REDIC1: variants seen among roughly 807,000 people sequenced by gnomAD.
REDIC1 encodes regulator of DNA class I crossover intermediates 1, also known as HEI10 Interacting Protein 1.
the REDIC1 span, among the ~76,000 whole-genome samples, chr12:39,815,654 T>C: frequency 2.0e-5 from 3 of 152,116 alleles, no homozygotes; most frequent in Admixed American, 6.5e-5. Flanking sequence ...TTATTGGTTA[T>C]AGAAAAAGCA....
At chr12:39,729,807 G>T in the REDIC1 span, among the ~76,000 whole-genome samples, 1 of 152,126 alleles carries the variant, frequency 6.6e-6, no homozygotes, top group African/African-American at 2.4e-5. Flanking sequence ...TCTCTTTGTA[G>T]ATCTCTAAGA....
the REDIC1 span, among the ~76,000 whole-genome samples, chr12:39,860,651 T>C: frequency 6.6e-6 from 1 of 152,234 alleles, no homozygotes; most frequent in African/African-American, 2.4e-5. Context: ...GTCCACCTTT[T>C]TTCTCATGCA....
the REDIC1 span, among the ~76,000 whole-genome samples, chr12:39,682,026 C>T: frequency 6.6e-6 from 1 of 152,010 alleles, no homozygotes; most frequent in African/African-American, 2.4e-5. Flanking sequence ...TAGAATAGAA[C>T]TTACAAGTTA....
At chr12:39,646,583 T>G in the REDIC1 span, 1 of 931,748 alleles carries the variant, frequency 1.1e-6, no homozygotes, top group East Asian at 2.9e-5. Flanking sequence ...GTTTGGCTGT[T>G]AACAGTATTA....
the REDIC1 span, among the ~76,000 whole-genome samples, chr12:39,695,605 G>T: frequency 7.0e-4 from 106 of 152,282 alleles, no homozygotes; most frequent in Non-Finnish European, 1.2e-3. Flanking sequence ...AGACTGCTAA[G>T]GTTTTTTATT....
the REDIC1 span, among the ~76,000 whole-genome samples, chr12:39,867,481 A>C: frequency 2.2e-4 from 34 of 152,290 alleles, no homozygotes; most frequent in East Asian, 1.3e-3. Flanking sequence ...AAAACAAAAA[A>C]AAAACTGTTA....
At chr12:39,889,762 C>T in the REDIC1 span, among the ~76,000 whole-genome samples, 1 of 152,002 alleles carries the variant, frequency 6.6e-6, no homozygotes, top group Non-Finnish European at 1.5e-5. Context: ...GATTTCTTGA[C>T]CTCGTGATCT....
At chr12:39,701,902 A>G in the REDIC1 span, among the ~76,000 whole-genome samples, 30 of 152,164 alleles carry the variant, frequency 2.0e-4, no homozygotes, top group Non-Finnish European at 4.3e-4. Context: ...GAGAACAAAG[A>G]CACAACATAC....
chr12:39,822,738 T>C, the REDIC1 span, among the ~76,000 whole-genome samples: 1 of 152,170 alleles, frequency 6.6e-6, no homozygotes, highest in African/African-American at 2.4e-5. Flanking sequence ...AAAGGAAATA[T>C]GAAGAAAAAT....
the REDIC1 span, among the ~76,000 whole-genome samples, chr12:39,906,133 TTTGA>T: frequency 2.5e-3 from 2 of 802 alleles, no homozygotes; most frequent in African/African-American, 4.3e-3. Flanking sequence ...GATACAGAAC[TTTGA>T]ACTTTGTTTT....
the REDIC1 span, among the ~76,000 whole-genome samples, chr12:39,806,799 T>C: frequency 3.9e-5 from 6 of 152,176 alleles, no homozygotes; most frequent in African/African-American, 1.2e-4. Flanking sequence ...GAAAATAAAT[T>C]TGTAGGAGTT....
At chr12:39,682,786 A>T in the REDIC1 span, 1 of 1,613,122 alleles carries the variant, frequency 6.2e-7, no homozygotes, top group East Asian at 2.2e-5. Context: ...GAACCAGTCT[A>T]CTCCTAACCT....
the REDIC1 span, among the ~76,000 whole-genome samples, chr12:39,797,768 A>G: frequency 6.6e-6 from 1 of 152,094 alleles, no homozygotes; most frequent in South Asian, 2.1e-4. Context: ...ACACACACAC[A>G]CACACACATA....
At chr12:39,688,164 T>G in the REDIC1 span, among the ~76,000 whole-genome samples, 1 of 152,240 alleles carries the variant, frequency 6.6e-6, no homozygotes, top group African/African-American at 2.4e-5. Context: ...GGTACAGAGA[T>G]GAAAGGACAT....
chr12:39,649,728 G>A, the REDIC1 span, among the ~76,000 whole-genome samples: 1 of 151,476 alleles, frequency 6.6e-6, no homozygotes, highest in South Asian at 2.1e-4. Context: ...ACATTTATAG[G>A]GTACTTTCCA....
At chr12:39,898,979 G>A in the REDIC1 span, among the ~76,000 whole-genome samples, 1 of 152,088 alleles carries the variant, frequency 6.6e-6, no homozygotes, top group African/African-American at 2.4e-5. Flanking sequence ...TTGGTATCAG[G>A]ATGATGCTGG....
the REDIC1 span, among the ~76,000 whole-genome samples, chr12:39,669,091 G>A: frequency 2.0e-5 from 3 of 152,164 alleles, no homozygotes; most frequent in Non-Finnish European, 4.4e-5. Flanking sequence ...TTCCCTTGCT[G>A]GTGAGGAGCT....
At chr12:39,736,920 C>T in the REDIC1 span, 1 of 152,278 alleles carries the variant, frequency 6.6e-6, no homozygotes, top group South Asian at 2.1e-4. Flanking sequence ...ACAAGCTGTT[C>T]CTGCTAACCC....
chr12:39,757,937 T>C, the REDIC1 span: 3 of 152,326 alleles, frequency 2.0e-5, no homozygotes, highest in Admixed American at 1.3e-4. Context: ...GAGAGCACTT[T>C]ATTGGTCTAC....
Sources: gnomAD v4.1 joint callset for allele counts (sites outside exome capture counted in the v4.1 genomes callset) on GRCh38, gnomAD v4.1.1 for gene constraint, MANE v1.5 for transcripts, NCBI Gene and HGNC (gene_info 2026-07-23, HGNC 2026-07-21) for gene names.